Variants in DAB1 observed in about 807,000 individuals in gnomAD.
DAB1 encodes disabled homolog 1.
A neutral mutation model predicts 64.6 loss-of-function variants in DAB1; 15 were observed. The ratio of observed to expected loss-of-function variants is 0.23; its 90% CI spans 0.16 to 0.36. DAB1 has a LOEUF of 0.36. DAB1 is among the 10% of genes least tolerant of loss of function. The pLI is 1.00. For missense variants in DAB1, 596 were observed against 706.7 expected (o/e 0.84, Z 1.78); for synonymous variants, 235 against 251.9 (o/e 0.93, Z 0.64).
chr1:57,102,339 G>A (rs1224485630), intron 4 of DAB1, among the ~76,000 whole-genome samples: 1 of 152,164 alleles, frequency 6.6e-6, no homozygotes, highest in Admixed American at 6.5e-5. Flanking sequence ...CTTGAGATAA[G>A]CTTAAACTCT....
chr1:57,059,291 G>A (rs1476968011), intron 9 of DAB1, among the ~76,000 whole-genome samples: 1 of 152,120 alleles, frequency 6.6e-6, no homozygotes, highest in Admixed American at 6.5e-5. Context: ...CTCTCAGGAA[G>A]TGGCTGTGGT....
chr1:57,036,622 T>C (rs1647163082), intron 9 of DAB1, among the ~76,000 whole-genome samples: 2 of 152,254 alleles, frequency 1.3e-5, no homozygotes, highest in African/African-American at 4.8e-5. Flanking sequence ...TAAAGTCTTT[T>C]TTGTTTTGTT....
At chr1:58,239,036 T>A (rs1317202332) in intron 4 of DAB1, among the ~76,000 whole-genome samples, 1 of 152,204 alleles carries the variant, frequency 6.6e-6, no homozygotes, top group Non-Finnish European at 1.5e-5. Context: ...TACCATGATA[T>A]GATTGGCCAT....
chr1:57,064,621 T>C (rs1438470290), intron 8 of DAB1, among the ~76,000 whole-genome samples: 1 of 152,308 alleles, frequency 6.6e-6, no homozygotes, highest in Non-Finnish European at 1.5e-5. Context: ...GAGTGCAGTC[T>C]GTGAATGGGG....
intron 1 of DAB1, among the ~76,000 whole-genome samples, chr1:57,839,572 T>A (rs193101422): frequency 6.6e-6 from 1 of 152,364 alleles, no homozygotes; most frequent in East Asian, 1.9e-4. Flanking sequence ...CTTCGTTTAA[T>A]CCTTTGCAGG....
intron 4 of DAB1, among the ~76,000 whole-genome samples, chr1:57,133,110 G>A (rs1351958669): frequency 6.6e-6 from 1 of 152,126 alleles, no homozygotes; most frequent in East Asian, 1.9e-4. Flanking sequence ...TTAGATTGGT[G>A]TGTCTAATAG....
At chr1:57,057,895 A>T (rs568977840) in intron 9 of DAB1, among the ~76,000 whole-genome samples, 195 of 152,236 alleles carry the variant, frequency 1.3e-3, no homozygotes, top group Non-Finnish European at 2.1e-3. Context: ...GGCATGAGCC[A>T]CCGCGCCCGG....
At chr1:57,032,975 C>T (rs1402105968) in intron 9 of DAB1, among the ~76,000 whole-genome samples, 2 of 152,158 alleles carry the variant, frequency 1.3e-5, no homozygotes, top group Non-Finnish European at 2.9e-5. Context: ...ATATACTACA[C>T]TAAGCTAGGC....
chr1:57,530,910 G>C lies in DAB1; in HGVS notation n.625+118682C>G, dbSNP rs145899998. Among the ~76,000 whole-genome samples, 969 of 152,262 alleles carry C rather than the reference G, an allele frequency of 6.4e-3. 11 individuals carry two copies. Among genetic ancestry groups the C allele is most frequent in the African/African-American group, 0.02 (823 of 41,548 alleles). On this transcript the variant is annotated intron_variant and non_coding_transcript_variant, in intron 7 of 20. Coordinates refer to the DAB1 transcript ENST00000485760. ...CAGGGACCTGGGGCCCAGGTTCAAG[G>C]CTAGGCTCCTCTTCTCTCTTGCTGA...
chr1:58,293,380 A>C (rs559272484), intron 4 of DAB1, among the ~76,000 whole-genome samples: 1 of 152,144 alleles, frequency 6.6e-6, no homozygotes, highest in Non-Finnish European at 1.5e-5. Flanking sequence ...CCATTTGTTT[A>C]TTGTTTCTGC....
chr1:58,509,552 A>C (rs960809051), intron 2 of DAB1, among the ~76,000 whole-genome samples: 3 of 151,256 alleles, frequency 2.0e-5, no homozygotes, highest in Admixed American at 6.6e-5. Flanking sequence ...AAAAAAGAAG[A>C]AAGCAAGCAA....
chr1:57,854,242 G>A (rs1031528757), intron 1 of DAB1, among the ~76,000 whole-genome samples: 4 of 151,844 alleles, frequency 2.6e-5, no homozygotes, highest in African/African-American at 9.7e-5. Flanking sequence ...TTTCATTTTA[G>A]CTCAGATGAA....
chr1:57,633,462 G>A (rs1265652762), intron 7 of DAB1, among the ~76,000 whole-genome samples: 1 of 152,202 alleles, frequency 6.6e-6, no homozygotes, highest in Non-Finnish European at 1.5e-5. Flanking sequence ...TGGGCAAGTG[G>A]ATTGCAAGGG....
At chr1:57,409,546 C>T (rs1196868555) in intron 1 of DAB1, among the ~76,000 whole-genome samples, 1 of 152,164 alleles carries the variant, frequency 6.6e-6, no homozygotes, top group Non-Finnish European at 1.5e-5. Flanking sequence ...CGTGGTGGCT[C>T]ACGCTTGTAA....
intron 4 of DAB1, among the ~76,000 whole-genome samples, chr1:58,336,114 G>A (rs1175474872): frequency 2.0e-5 from 3 of 152,210 alleles, no homozygotes; most frequent in Non-Finnish European, 4.4e-5. Flanking sequence ...TTTCCACTGT[G>A]ACATGCACGG....
chr1:57,893,610 G>A (rs1373192949), intron 5 of DAB1, among the ~76,000 whole-genome samples: 1 of 152,158 alleles, frequency 6.6e-6, no homozygotes, highest in Non-Finnish European at 1.5e-5. Flanking sequence ...AGGAAATGCT[G>A]TAACAAGGAA....
At chr1:58,509,982 G>A (rs1056403928) in intron 2 of DAB1, among the ~76,000 whole-genome samples, 1 of 152,042 alleles carries the variant, frequency 6.6e-6, no homozygotes, top group Admixed American at 6.6e-5. Context: ...TAATGAGATT[G>A]AGTCAATTAT....
chr1:58,215,081 T>C (rs751911174), intron 4 of DAB1, among the ~76,000 whole-genome samples: 107 of 152,336 alleles, frequency 7.0e-4, no homozygotes, highest in Admixed American at 2.3e-3. Context: ...ACTGAAACCA[T>C]TAGCATAAAA....
At chr1:57,879,054 T>C (rs1441002302) in intron 1 of DAB1, among the ~76,000 whole-genome samples, 1 of 152,276 alleles carries the variant, frequency 6.6e-6, no homozygotes, top group East Asian at 1.9e-4. Flanking sequence ...CTATATCTCA[T>C]TTTTTATCCA....
Sources: allele counts gnomAD v4.1 joint callset (sites outside exome capture counted in the v4.1 genomes callset), GRCh38; gene constraint gnomAD v4.1.1; transcripts MANE v1.5; gene names NCBI Gene and HGNC (gene_info 2026-07-23, HGNC 2026-07-21).